PALM2AKAP2: variants seen among roughly 807,000 people sequenced by gnomAD.
PALM2AKAP2 encodes PALM2 and AKAP2 fusion.
Under a neutral mutation model 71.5 loss-of-function variants are expected in PALM2AKAP2, and 37 were observed. That is an observed-to-expected ratio of 0.52 (90% confidence interval 0.40 to 0.68). The LOEUF is 0.68. Among genes scored for constraint, PALM2AKAP2 ranks in the 30% least tolerant of loss-of-function variants. The pLI is 0.00. For missense variants in PALM2AKAP2, 1,224 were observed against 1,191.8 expected, an observed-to-expected ratio of 1.03 and a Z score of -0.40; for synonymous variants, 468 against 478.8, an observed-to-expected ratio of 0.98 and a Z score of 0.29.
At chr9:110,155,936 C>T (rs1277259373) in intron 2 of PALM2AKAP2, among the ~76,000 whole-genome samples, 1 of 152,188 alleles carries the variant, frequency 6.6e-6, no homozygotes, top group Non-Finnish European at 1.5e-5. Context: ...CAAGCGCTTT[C>T]ATCTGTTAAG....
At chr9:109,886,683 C>T (rs985406925) in intron 3 of PALM2AKAP2, among the ~76,000 whole-genome samples, 7 of 152,306 alleles carry the variant, frequency 4.6e-5, no homozygotes, top group African/African-American at 1.4e-4. Flanking sequence ...AGCCATCTCT[C>T]GGGATCTTCC....
At chr9:109,671,620 G>C (rs191063219) in intron 1 of PALM2AKAP2, among the ~76,000 whole-genome samples, 1 of 152,114 alleles carries the variant, frequency 6.6e-6, no homozygotes, top group East Asian at 1.9e-4. Flanking sequence ...TTTTTTTCTA[G>C]TTCTGTGGAG....
chr9:109,836,099 C>G (rs1382812140), intron 1 of PALM2AKAP2, among the ~76,000 whole-genome samples: 1 of 152,196 alleles, frequency 6.6e-6, no homozygotes, highest in Admixed American at 6.5e-5. Context: ...GGTCCCTGAT[C>G]CCCGAGTAGC....
chr9:110,154,858 T>C (rs994713255), intron 2 of PALM2AKAP2, among the ~76,000 whole-genome samples: 1 of 152,152 alleles, frequency 6.6e-6, no homozygotes, highest in Non-Finnish European at 1.5e-5. Context: ...TTTGATAGAA[T>C]AGCAAAACGT....
upstream of PALM2AKAP2, among the ~76,000 whole-genome samples, chr9:110,048,011 C>T (rs928716938): frequency 1.3e-5 from 2 of 152,198 alleles, no homozygotes; most frequent in African/African-American, 4.8e-5. Context: ...ACCGGGCCAC[C>T]GGCTGCCACT....
intron 1 of PALM2AKAP2, among the ~76,000 whole-genome samples, chr9:109,695,341 G>T (rs1827954700): frequency 6.6e-6 from 1 of 152,066 alleles, no homozygotes; most frequent in Non-Finnish European, 1.5e-5. Context: ...TGGGTCATGT[G>T]GCAGTTCTAT....
At chr9:109,800,406 G>A (rs1827390647) in intron 1 of PALM2AKAP2, among the ~76,000 whole-genome samples, 1 of 152,186 alleles carries the variant, frequency 6.6e-6, no homozygotes, top group South Asian at 2.1e-4. Context: ...CTGTTAACTT[G>A]AGGAGGTTTA....
intron 1 of PALM2AKAP2, among the ~76,000 whole-genome samples, chr9:109,770,100 A>G (rs73531254): frequency 6.6e-6 from 1 of 152,170 alleles, no homozygotes; most frequent in Non-Finnish European, 1.5e-5. Flanking sequence ...CAGAGCTCAG[A>G]CAGCCAATGG....
chr9:109,776,548 C>T (rs1829350886), upstream of PALM2AKAP2, among the ~76,000 whole-genome samples: 1 of 152,204 alleles, frequency 6.6e-6, no homozygotes, highest in African/African-American at 2.4e-5. Context: ...TCTTGGCAGG[C>T]ACACATGCCT....
chr9:110,078,530 C>A (rs1014386217), intron 1 of PALM2AKAP2, among the ~76,000 whole-genome samples: 2 of 151,934 alleles, frequency 1.3e-5, no homozygotes, highest in Non-Finnish European at 2.9e-5. Context: ...AAAAGCAGAT[C>A]GGGAAAAGAG....
intron 1 of PALM2AKAP2, among the ~76,000 whole-genome samples, chr9:109,799,164 G>T (rs1340725143): frequency 6.6e-6 from 1 of 152,256 alleles, no homozygotes; most frequent in Non-Finnish European, 1.5e-5. Context: ...CATGGGCAAA[G>T]TGACAAGGTT....
intron 1 of PALM2AKAP2, among the ~76,000 whole-genome samples, chr9:109,676,558 G>A (rs566638082): frequency 8.5e-5 from 13 of 152,158 alleles, no homozygotes; most frequent in Non-Finnish European, 1.6e-4. Flanking sequence ...TAGGAACTTG[G>A]CCAGTTGAAT....
chr9:110,057,758 C>A (rs1309101651), intron 1 of PALM2AKAP2, among the ~76,000 whole-genome samples: 1 of 152,182 alleles, frequency 6.6e-6, no homozygotes, highest in Non-Finnish European at 1.5e-5. Flanking sequence ...TTCCTGTCAT[C>A]CAGGAGCGTG....
intron 3 of PALM2AKAP2, among the ~76,000 whole-genome samples, chr9:109,893,868 T>C (rs1326903475): frequency 6.6e-6 from 1 of 151,336 alleles, no homozygotes; most frequent in Admixed American, 6.6e-5. Flanking sequence ...TCAGGAAGAG[T>C]AGCTAACACT....
intron 5 of PALM2AKAP2, among the ~76,000 whole-genome samples, chr9:109,925,990 T>A (rs1830948485): frequency 6.6e-6 from 1 of 152,230 alleles, no homozygotes; most frequent in Middle Eastern, 3.4e-3. Context: ...GAGGATCCCT[T>A]GAGCCCAGAA....
At chr9:109,763,758 A>C (rs1829098953) in intron 1 of PALM2AKAP2, among the ~76,000 whole-genome samples, 1 of 152,104 alleles carries the variant, frequency 6.6e-6, no homozygotes, top group Non-Finnish European at 1.5e-5. Flanking sequence ...TCAGAGATGC[A>C]TAGGCCCTCA....
At chr9:110,065,490 G>A (rs1007667742) in intron 1 of PALM2AKAP2, among the ~76,000 whole-genome samples, 1 of 152,200 alleles carries the variant, frequency 6.6e-6, no homozygotes, top group Non-Finnish European at 1.5e-5. Flanking sequence ...GTGTCCCAGA[G>A]TGTGGGGTCT....
chr9:109,796,848 G>A (rs1181099589), intron 1 of PALM2AKAP2, among the ~76,000 whole-genome samples: 3 of 152,134 alleles, frequency 2.0e-5, no homozygotes, highest in Non-Finnish European at 4.4e-5. Context: ...GGGATTATGA[G>A]GATTACAATT....
At chr9:109,998,764 C>CA (rs766171217) in intron 6 of PALM2AKAP2, among the ~76,000 whole-genome samples, 14,414 of 70,260 alleles carry the variant, frequency 0.21, 1,018 homozygotes, top group African/African-American at 0.28. Context: ...GACCCTGTCG[C>CA]AAAAAAAAAA....
Sources: gnomAD v4.1 joint callset for allele counts (sites outside exome capture counted in the v4.1 genomes callset) on GRCh38, gnomAD v4.1.1 for gene constraint, MANE v1.5 for transcripts, NCBI Gene and HGNC (gene_info 2026-07-23, HGNC 2026-07-21) for gene names.